The following OTOG variants were observed in gnomAD, a reference collection of about 807,000 sequenced individuals.
OTOG encodes the protein otogelin.
A neutral mutation model predicts 313.8 loss-of-function variants in OTOG; 296 were observed. That is an observed-to-expected ratio of 0.94 (90% CI 0.86 to 1.04). OTOG has a LOEUF of 1.04. Among genes scored for constraint, OTOG ranks in the 50% least tolerant of loss-of-function variants. OTOG has a pLI of 0.00. For missense variants in OTOG, 3,948 were observed against 3,840.1 expected (o/e 1.03, Z -0.74); for synonymous variants, 1,533 against 1,554.9 (o/e 0.99, Z 0.33).
chr11:17,604,638 C>G (rs1853336721), intron 32 of OTOG, among the ~76,000 whole-genome samples: 1 of 152,252 alleles, frequency 6.6e-6, no homozygotes, highest in African/African-American at 2.4e-5. Context: ...CTCTCCACCC[C>G]ACAGCCCCCA....
Position 17,573,062 on chromosome 11 carries a change from G to A in OTOG, c.2081-16G>A, listed in dbSNP as rs1219909719. ...CGACTCCCCTGACTGCCTGGCTCCTGTTCTTCCTTCCCCAGCCTCCTACTC... is the reference window on the plus strand; with the variant it reads ...CGACTCCCCTGACTGCCTGGCTCCTATTCTTCCTTCCCCAGCCTCCTACTC... On this transcript the variant is annotated splice_polypyrimidine_tract_variant and intron_variant, in intron 18 of 55. Coordinates refer to ENST00000399397, the MANE Select transcript of OTOG (RefSeq NM_001292063.2). 5 of 1,533,346 alleles carry A rather than the reference G, an allele frequency of 3.3e-6. No homozygotes were observed. Among genetic ancestry groups the A allele is most frequent in the African/African-American group, 1.4e-5 (1 of 72,754 alleles). The allele number at this position is 1,533,346 out of a possible 1,614,324, so 95.0% of individuals were successfully genotyped here.
intron 47 of OTOG, among the ~76,000 whole-genome samples, chr11:17,637,084 T>C (rs985331229): frequency 1.1e-4 from 17 of 152,128 alleles, no homozygotes; most frequent in African/African-American, 3.9e-4. Context: ...TCCAAGTAAA[T>C]GCAAGAAAAT....
At chr11:17,599,916 G>A (rs572836549) in intron 31 of OTOG, among the ~76,000 whole-genome samples, 3 of 152,132 alleles carry the variant, frequency 2.0e-5, no homozygotes, top group South Asian at 2.1e-4. Flanking sequence ...CCTGTCCGGG[G>A]CCCAGGCAGG....
rs1204715637 is a variant in OTOG at position 17,642,222 on chromosome 11, G to A, written c.8391G>A (p.Pro2797=). The change falls in exon 53 of 56, where the codon CCG becomes CCA. Residue 2797 remains proline (P), a synonymous_variant. Coordinates refer to ENST00000399397, the MANE Select transcript of OTOG (RefSeq NM_001292063.2). ...VLVRSPISCP[P]LNETECAKVG... is the part of the protein sequence containing the mutation. ...TCCGCTCTCCCATAAGCTGCCCACCGCTCAATGAGACTGAGTGTGCCAAGG... is the reference window on the plus strand; with the variant it reads ...TCCGCTCTCCCATAAGCTGCCCACCACTCAATGAGACTGAGTGTGCCAAGG... 2.3e-5 allele frequency: 35 copies of A among 1,549,792 alleles called. No homozygotes were observed. The highest frequency in any genetic ancestry group is 2.8e-5 in the Non-Finnish European group (32 of 1,146,640).
chr11:17,635,601 C>G lies in OTOG; in HGVS notation c.7694-9C>G, dbSNP rs946625875. ...CTGCTGTGACAGCATTGACCCTCTT[C>G]CCCCTCAGCCTGTGGTGACTGTCCA... is the stretch of plus-strand genomic sequence containing the variant. On this transcript the variant is annotated splice_polypyrimidine_tract_variant and intron_variant, in intron 46 of 55. Transcript: ENST00000399397. The G allele has an allele frequency of 1.5e-5, 23 of 1,547,324 alleles. No individual in the cohort carries two copies. In the African/African-American group the frequency reaches 2.3e-4, roughly 16 times the overall value.
chr11:17,640,443 CT>C (rs1178425317), intron 49 of OTOG, among the ~76,000 whole-genome samples: 1 of 152,234 alleles, frequency 6.6e-6, no homozygotes, highest in Non-Finnish European at 1.5e-5. Context: ...TTTCCTCTCA[CT>C]CTGTCCCCCA....
chr11:17,564,722 T>C (rs1006966374), intron 15 of OTOG, among the ~76,000 whole-genome samples: 3 of 152,188 alleles, frequency 2.0e-5, no homozygotes, highest in Non-Finnish European at 4.4e-5. Context: ...GACTAACTAC[T>C]TTGCAAAAAA....
At chr11:17,568,604 G>A (rs959987964) in intron 15 of OTOG, among the ~76,000 whole-genome samples, 2 of 152,160 alleles carry the variant, frequency 1.3e-5, no homozygotes, top group African/African-American at 4.8e-5. Context: ...CACATAGTTG[G>A]TGCTCAGTTA....
chr11:17,643,324 G>T, intron 53 of OTOG, 137 bp from the exon 54 acceptor site: 1 of 523,234 alleles, frequency 1.9e-6, no homozygotes, highest in Admixed American at 4.3e-5. Context: ...CTGGCAAGGG[G>T]CCTATGCTCC....
In OTOG at chr11:17,610,617, G is replaced by A. The variant is rs756318046; in HGVS notation, c.5317G>A (p.Ala1773Thr). Residue 1773 changes from alanine to threonine, a missense_variant, in exon 36 of 56, where the codon GCC becomes ACC. Transcript: ENST00000399397. Reference protein sequence around the residue: ...PALPPETPAAASLSTATDGLA... With the variant: ...PALPPETPAATSLSTATDGLA... The stretch of plus-strand genomic sequence containing the variant: ...TCTGCCCCCAGAGACCCCAGCTGCC[G>A]CCAGCCTGTCAACAGCCACTGATGG... 30 of 1,550,384 alleles carry A rather than the reference G, an allele frequency of 1.9e-5. No homozygotes were observed. Among genetic ancestry groups the A allele is most frequent in the South Asian group, 1.8e-4 (15 of 84,024 alleles).
intron 39 of OTOG, among the ~76,000 whole-genome samples, chr11:17,619,060 C>T (rs553874944): frequency 9.2e-5 from 14 of 152,140 alleles, no homozygotes; most frequent in East Asian, 5.8e-4. Context: ...CCCAGGAGTT[C>T]GAGACCAGCC....
chr11:17,586,416 C>T (rs1273434012), intron 23 of OTOG, 58 bp from the exon 24 acceptor site: 35 of 1,093,392 alleles, frequency 3.2e-5, no homozygotes, highest in Non-Finnish European at 3.9e-5. Flanking sequence ...GGGTCCTCCA[C>T]AGATGGCAGC....
At chr11:17,607,360 A>G (rs1406409604) in intron 33 of OTOG, among the ~76,000 whole-genome samples, 2 of 152,212 alleles carry the variant, frequency 1.3e-5, no homozygotes, top group Non-Finnish European at 2.9e-5. Context: ...ACTTGTGCCA[A>G]GGTAGCCTGG....
At position 17,635,736 on chromosome 11, in the gene OTOG, G is replaced by A. The variant is rs570522245; in HGVS notation, c.7795+25G>A. 1,221 of 1,536,178 alleles carry A rather than the reference G, an allele frequency of 7.9e-4. 5 individuals carry two copies. The African/African-American group carries it at 0.012, about 16-fold the overall frequency. On this transcript the variant is annotated intron_variant, in intron 47 of 55. Transcript: ENST00000399397. ...GGTGAGTCCTGGCTGGGCACATGGC[G>A]GGCTGCGGCAGGAAGGGGCCCTTCA... is the stretch of plus-strand genomic sequence containing the variant.
At chr11:17,587,055 C>T (rs1852811605) in intron 24 of OTOG, among the ~76,000 whole-genome samples, 1 of 152,200 alleles carries the variant, frequency 6.6e-6, no homozygotes, top group Non-Finnish European at 1.5e-5. Flanking sequence ...AATGTGTGCA[C>T]ATGTATGTGC....
intron 53 of OTOG, among the ~76,000 whole-genome samples, chr11:17,642,965 A>G (rs376483656): frequency 8.5e-5 from 13 of 152,306 alleles, no homozygotes; most frequent in Middle Eastern, 3.4e-3. Context: ...CTTATGTACA[A>G]AGAACTGTCC....
intron 7 of OTOG, among the ~76,000 whole-genome samples, 198 bp from the exon 8 acceptor site, chr11:17,556,920 C>T (rs1378039611): frequency 2.0e-5 from 3 of 152,170 alleles, no homozygotes; most frequent in Non-Finnish European, 4.4e-5. Context: ...CAGGAAATTG[C>T]CGTCTTAAAA....
At chr11:17,605,713 G>A (rs1853366286) in intron 32 of OTOG, 144 bp from the exon 33 acceptor site, 2 of 875,284 alleles carry the variant, frequency 2.3e-6, no homozygotes, top group Admixed American at 6.1e-5. Context: ...GTGGGCTGGG[G>A]GCTGGTGTAG....
At chr11:17,550,644 G>C (rs1039438020) in intron 3 of OTOG, among the ~76,000 whole-genome samples, 1 of 152,232 alleles carries the variant, frequency 6.6e-6, no homozygotes, top group East Asian at 1.9e-4. Flanking sequence ...CACGAAGACT[G>C]AGTTTAATTA....
Sources: gnomAD v4.1 joint callset for allele counts (sites outside exome capture counted in the v4.1 genomes callset) on GRCh38, gnomAD v4.1.1 for gene constraint, MANE v1.5 for transcripts, NCBI Gene and HGNC (gene_info 2026-07-23, HGNC 2026-07-21) for gene names.